The following DYDC1 variants were observed in gnomAD, a reference collection of about 807,000 sequenced individuals.
The protein encoded by DYDC1 is DPY30 domain-containing protein 1.
DYDC1 carries 21 observed loss-of-function variants against 27.9 expected under a neutral mutation model. The observed-to-expected ratio is 0.75, with a 90% confidence interval of 0.53 to 1.08. The LOEUF is 1.08. Ranked by LOEUF, DYDC1 falls within the 50% of genes least tolerant of loss-of-function variation. The pLI, the probability that DYDC1 is intolerant of heterozygous loss-of-function variation, is 0.00. For synonymous variants in DYDC1, 67 were observed against 65.8 expected, an observed-to-expected ratio of 1.02 and a Z score of -0.09; for missense variants, 202 against 205.9, an observed-to-expected ratio of 0.98 and a Z score of 0.12.
intron 3 of DYDC1, 102 bp downstream of exon 3, chr10:80,351,799 C>A: frequency 9.7e-7 from 1 of 1,026,382 alleles, no homozygotes. Context: ...GAAGCCATAT[C>A]TAAATAACTG....
At chr10:80,356,447 C>T (rs1002099325) in intron 1 of DYDC1, 3 of 985,344 alleles carry the variant, frequency 3.0e-6, no homozygotes, top group Admixed American at 6.1e-5. Flanking sequence ...GGCAACCTCC[C>T]GGGGCGCTCA....
At chr10:80,355,107 A>AC (rs1843279507) in intron 1 of DYDC1, among the ~76,000 whole-genome samples, 1 of 151,526 alleles carries the variant, frequency 6.6e-6, no homozygotes, top group South Asian at 2.1e-4. Context: ...AAAAAAAAAA[A>AC]CAGTAAAATT....
intron 2 of DYDC1, 92 bp from the exon 3 acceptor site, chr10:80,352,094 G>C: frequency 3.3e-6 from 4 of 1,215,730 alleles, no homozygotes; most frequent in Non-Finnish European, 4.8e-6. Context: ...GAACAATTAG[G>C]GAAAGTGTTA....
At chr10:80,336,047 G>GAA, downstream of DYDC1, 1 of 695,430 alleles carries the variant, frequency 1.4e-6, no homozygotes, top group Admixed American at 2.9e-5. Context: ...GTCCTTAGAG[G>GAA]AAAAAAAAAG....
chr10:80,338,872 T>C (rs1842224283), intron 5 of DYDC1, among the ~76,000 whole-genome samples: 1 of 152,190 alleles, frequency 6.6e-6, no homozygotes, highest in African/African-American at 2.4e-5. Flanking sequence ...GAGAGCCTAG[T>C]TTTTAAAAAT....
intron 3 of DYDC1, among the ~76,000 whole-genome samples, chr10:80,342,994 A>AAG (rs568315455): frequency 1.1e-4 from 17 of 151,178 alleles, no homozygotes; most frequent in African/African-American, 2.9e-4. Context: ...AAAAAAAAAA[A>AAG]AAAAGAAAAG....
At chr10:80,337,544 G>T in intron 6 of DYDC1, 1 of 510,148 alleles carries the variant, frequency 2.0e-6, no homozygotes, top group Non-Finnish European at 2.5e-6. Flanking sequence ...CATCATATGA[G>T]TCTCCACTGC....
At chr10:80,356,507 G>A in intron 1 of DYDC1, 1 of 985,454 alleles carries the variant, frequency 1.0e-6, no homozygotes, top group Non-Finnish European at 1.2e-6. Context: ...CAGCCCGCAG[G>A]AGACGCAGCG....
chr10:80,353,623 G>A (rs990084213), intron 1 of DYDC1, among the ~76,000 whole-genome samples: 7 of 150,768 alleles, frequency 4.6e-5, no homozygotes, highest in African/African-American at 7.3e-5. Context: ...AGGCCGAGGC[G>A]GGCGGATCAC....
At chr10:80,342,980 C>A (rs906447043) in intron 3 of DYDC1, among the ~76,000 whole-genome samples, 255 of 93,670 alleles carry the variant, frequency 2.7e-3, no homozygotes, top group South Asian at 6.1e-3. Flanking sequence ...GACTCCCTCT[C>A]AAAAAAAAAA....
intron 6 of DYDC1, chr10:80,337,437 T>G: frequency 7.1e-6 from 7 of 985,400 alleles, no homozygotes; most frequent in Non-Finnish European, 8.4e-6. Flanking sequence ...CGACATCTTG[T>G]CCCCTAGATT....
At chr10:80,339,021 A>C (rs996123234) in intron 5 of DYDC1, 76 bp downstream of exon 5, 2 of 762,756 alleles carry the variant, frequency 2.6e-6, no homozygotes, top group South Asian at 2.1e-5. Context: ...TTAGCTACTT[A>C]TGCATCAAAA....
intron 1 of DYDC1, chr10:80,356,216 T>C: frequency 4.1e-6 from 4 of 978,338 alleles, no homozygotes; most frequent in Non-Finnish European, 4.9e-6. Context: ...ATAATACCCA[T>C]CTCTCCTGTG....
rs556362145 is a variant in DYDC1, at chr10:80,347,276, C to CTTTTTTTTTTTTTTTTTTTTTTTTTTT, written c.249+4598_249+4624dup. 8.9e-5 allele frequency among the ~76,000 whole-genome samples: 8 copies of CTTTTTTTTTTTTTTTTTTTTTTTTTTT among 90,124 alleles called. 3 individuals carry two copies. The highest frequency in any genetic ancestry group is 1.3e-4 in the Admixed American group (1 of 7,976). 59.1% of individuals were successfully genotyped at this position (90,124 alleles called of 152,430 possible). A position where few individuals can be genotyped will look rare whatever the true frequency, so the allele number is the denominator to read the frequency against. The stretch of plus-strand genomic sequence containing the variant: ...CTTTGCCCATTTTTTAATTGGGATC[C>CTTTTTTTTTTTTTTTTTTTTTTTTTTT]TTTTTTTTTTTTTTTTTTTTTTTTT... On this transcript the variant is annotated intron_variant, in intron 3 of 6. Coordinates refer to ENST00000372202, the MANE Select transcript of DYDC1 (RefSeq NM_001269053.2).
chr10:80,336,026 AT>A (rs1842123444), downstream of DYDC1: 14 of 640,006 alleles, frequency 2.2e-5, no homozygotes, highest in South Asian at 2.4e-4. Context: ...CTTGAAGCCC[AT>A]TCATAAGCAG....
At chr10:80,345,149 C>G (rs959846247) in intron 3 of DYDC1, among the ~76,000 whole-genome samples, 1 of 152,174 alleles carries the variant, frequency 6.6e-6, no homozygotes, top group African/African-American at 2.4e-5. Flanking sequence ...GTTATTGATC[C>G]AGCAGTGTCA....
Position 80,342,553 on chromosome 10 carries a change from C to G in DYDC1, c.250-192G>C, listed in dbSNP as rs571160296. On this transcript the variant is annotated intron_variant, in intron 3 of 6. Coordinates refer to ENST00000372202, the MANE Select transcript of DYDC1 (RefSeq NM_001269053.2). ...TTCCTTAATTGCAAATTATAGAAAG[C>G]ACAATTTGTACAAAATTATTTTCCC... is the stretch of plus-strand genomic sequence containing the variant. Among the ~76,000 whole-genome samples, 17 of 152,288 alleles carry G rather than the reference C, an allele frequency of 1.1e-4. 2 individuals are homozygous for G. In the South Asian group the frequency reaches 1.4e-3, roughly 13 times the overall value.
At chr10:80,337,570 T>G (rs1408097131) in intron 6 of DYDC1, 1 of 410,978 alleles carries the variant, frequency 2.4e-6, no homozygotes, top group Non-Finnish European at 3.3e-6. Context: ...GGATAAAATC[T>G]AAGCCTCTGA....
chr10:80,356,630 C>T, intron 1 of DYDC1, 82 bp downstream of exon 1: 1 of 985,392 alleles, frequency 1.0e-6, no homozygotes, highest in Non-Finnish European at 1.2e-6. Context: ...GCCCAACGGT[C>T]AGAACCGCCT....
Sources: gnomAD v4.1 joint callset for allele counts (sites outside exome capture counted in the v4.1 genomes callset) on GRCh38, gnomAD v4.1.1 for gene constraint, MANE v1.5 for transcripts, NCBI Gene and HGNC (gene_info 2026-07-23, HGNC 2026-07-21) for gene names.